PSMD5: variants seen among roughly 807,000 people sequenced by gnomAD.
PSMD5 encodes the protein 26S proteasome non-ATPase regulatory subunit 5.
In PSMD5, 40 loss-of-function variants were observed where a neutral mutation model predicts 52.1. The ratio of observed to expected loss-of-function variants is 0.77; its 90% CI spans 0.60 to 1.00. The LOEUF is 1.00. Among genes scored for constraint, PSMD5 ranks in the 50% least tolerant of loss-of-function variants. PSMD5 has a pLI of 0.00. For synonymous variants in PSMD5, 211 were observed against 226.6 expected (o/e 0.93, Z 0.62); for missense variants, 575 against 605.2 (o/e 0.95, Z 0.52).
rs548240047 is a variant in PSMD5, at chr9:120,833,803, C to T, written c.174-347G>A. Among the ~76,000 whole-genome samples the T allele has an allele frequency of 7.3e-5, 11 of 150,410 alleles. No individual in the cohort carries two copies. The East Asian group carries it at 1.6e-3, about 21-fold the overall frequency. ...AAGCAATTCTCCTGCCTCAGCCTCC[C>T]GAGTAGCTGGGATTACAGGGGCCTG... On this transcript the variant is annotated intron_variant, in intron 1 of 9. Coordinates refer to ENST00000210313, the MANE Select transcript of PSMD5 (RefSeq NM_005047.4).
chr9:120,838,007 G>C (rs1430116490), intron 1 of PSMD5, among the ~76,000 whole-genome samples: 3 of 152,108 alleles, frequency 2.0e-5, no homozygotes, highest in Non-Finnish European at 4.4e-5. Flanking sequence ...CCAAACAAAA[G>C]AATACATAAT....
intron 1 of PSMD5, chr9:120,841,776 C>T (rs2045240258): frequency 1.3e-5 from 2 of 152,108 alleles, no homozygotes; most frequent in South Asian, 2.1e-4. Flanking sequence ...ATGTTATATT[C>T]TTGCATATAA....
chr9:120,833,586 C>T, intron 1 of PSMD5, 130 bp from the exon 2 acceptor site: 1 of 909,394 alleles, frequency 1.1e-6, no homozygotes, highest in Non-Finnish European at 1.6e-6. Context: ...AGCTTTCACT[C>T]ACCTACTAAA....
chr9:120,833,639 A>G (rs1457442932), intron 1 of PSMD5, among the ~76,000 whole-genome samples, 183 bp from the exon 2 acceptor site: 3 of 151,832 alleles, frequency 2.0e-5, no homozygotes, highest in East Asian at 1.9e-4. Context: ...GTGCTGGGGC[A>G]ACAGAGAAGA....
At chr9:120,835,550 C>A (rs2045191880) in intron 1 of PSMD5, among the ~76,000 whole-genome samples, 1 of 152,036 alleles carries the variant, frequency 6.6e-6, no homozygotes, top group East Asian at 1.9e-4. Flanking sequence ...CATGGTGAAA[C>A]CCCATCTCAA....
At position 120,816,592 on chromosome 9, in the gene PSMD5, C is replaced by T. The variant is rs1333752504; in HGVS notation, c.*1314G>A. ...TCTGGGGACTAGATAATTCCAGTCA[C>T]TTTAAAATAATTTTGTTACAAAGCA... On this transcript the variant is annotated 3_prime_UTR_variant, in exon 10 of 10. Transcript: ENST00000210313. The T allele has an allele frequency of 1.3e-5, 2 of 152,154 alleles. No homozygotes were observed. Among genetic ancestry groups the T allele is most frequent in the African/African-American group, 4.8e-5 (2 of 41,420 alleles). 9.4% of individuals were successfully genotyped at this position (152,154 alleles called of 1,614,324 possible). A position where few individuals can be genotyped will look rare whatever the true frequency, so the allele number is the denominator to read the frequency against.
intron 5 of PSMD5, among the ~76,000 whole-genome samples, chr9:120,828,570 G>C (rs938811173): frequency 6.7e-6 from 1 of 150,338 alleles, no homozygotes; most frequent in African/African-American, 2.5e-5. Context: ...TGGGAATATA[G>C]GCACATGCCA....
rs759749488 is a variant in PSMD5, at chr9:120,829,142, T to G, written c.628A>C (p.Thr210Pro). The change falls in exon 5 of 10, where the codon ACC (threonine) becomes CCC (proline). Residue 210 changes from threonine (T) to proline (P), a missense_variant. Physicochemically the swap from Thr to Pro is conservative, Grantham distance 38. Coordinates refer to ENST00000210313, the MANE Select transcript of PSMD5 (RefSeq NM_005047.4). ...CCAGTCAGCTCTCTCAGGAGCTGGGTTACCAATCCACTTGTGGTACAGTAG... is the reference window on the plus strand; with the variant it reads ...CCAGTCAGCTCTCTCAGGAGCTGGGGTACCAATCCACTTGTGGTACAGTAG... ...LNYCTTSGLV[T>P]QLLRELTGED... The G allele has an allele frequency of 6.2e-7, 1 of 1,608,352 alleles. No homozygotes were observed. Among genetic ancestry groups the G allele is most frequent in the Admixed American group, 1.7e-5 (1 of 59,392 alleles).
chr9:120,840,279 A>T, intron 1 of PSMD5, among the ~76,000 whole-genome samples: 1 of 149,948 alleles, frequency 6.7e-6, no homozygotes, highest in East Asian at 2.0e-4. Context: ...ACGCACGCCC[A>T]GTTAATTTTT....
At chr9:120,831,995 G>A (rs1241021875) in intron 2 of PSMD5, 50 bp from the exon 3 acceptor site, 1 of 1,586,832 alleles carries the variant, frequency 6.3e-7, no homozygotes, top group Non-Finnish European at 8.6e-7. Context: ...GCAACATACG[G>A]TAAACACACG....
intron 2 of PSMD5, 96 bp from the exon 3 acceptor site, chr9:120,832,041 A>C: frequency 6.6e-7 from 1 of 1,505,910 alleles, no homozygotes; most frequent in Non-Finnish European, 8.8e-7. Flanking sequence ...TTATTTTAGG[A>C]GTTAGTGATC....
chr9:120,826,706 A>C, intron 6 of PSMD5, 59 bp downstream of exon 6: 2 of 1,551,884 alleles, frequency 1.3e-6, no homozygotes, highest in Non-Finnish European at 1.8e-6. Context: ...CCCTGATGTC[A>C]GAGATAACTC....
intron 7 of PSMD5, among the ~76,000 whole-genome samples, chr9:120,823,925 A>G (rs1480241742): frequency 1.3e-5 from 2 of 152,022 alleles, no homozygotes; most frequent in Non-Finnish European, 2.9e-5. Flanking sequence ...TGCCATTTTT[A>G]TAAATGAAGA....
intron 1 of PSMD5, among the ~76,000 whole-genome samples, chr9:120,835,686 G>A (rs968908678): frequency 2.6e-5 from 4 of 151,510 alleles, no homozygotes; most frequent in Non-Finnish European, 5.9e-5. Context: ...TCGAGATAGC[G>A]CCATCGCACT....
At chr9:120,828,585 A>G (rs146722927) in intron 5 of PSMD5, among the ~76,000 whole-genome samples, 1,545 of 150,586 alleles carry the variant, frequency 0.01, 34 homozygotes, top group African/African-American at 0.036. Flanking sequence ...ATGCCACCAT[A>G]CCCAGCTAAT....
chr9:120,821,088 T>G, intron 8 of PSMD5, 109 bp from the exon 9 acceptor site: 1 of 1,255,188 alleles, frequency 8.0e-7, no homozygotes, highest in South Asian at 1.6e-5. Flanking sequence ...ATTAATTTGT[T>G]GTGTGAAACT....
chr9:120,825,680 TTGTAAATGGGAA>T lies in PSMD5; in HGVS notation c.815-1007_815-996del, dbSNP rs1384800125. On this transcript the variant is annotated intron_variant, in intron 6 of 9. Coordinates refer to ENST00000210313, the MANE Select transcript of PSMD5 (RefSeq NM_005047.4). ...AATATTTAATTTTTTTTGAATGCTA[TTGTAAATGGGAA>T]TGTATCTTTGATTACTTTTTCAGAG... 3.9e-5 allele frequency among the ~76,000 whole-genome samples: 6 copies of T among 152,304 alleles called. No homozygotes were observed. In the East Asian group the frequency reaches 1.2e-3, roughly 29 times the overall value.
chr9:120,822,470 C>CT, intron 7 of PSMD5, among the ~76,000 whole-genome samples: 1 of 152,326 alleles, frequency 6.6e-6, no homozygotes, highest in East Asian at 1.9e-4. Context: ...GGTAAAAGCA[C>CT]TTAGAAAACG....
At chr9:120,840,596 C>T (rs906752146) in intron 1 of PSMD5, among the ~76,000 whole-genome samples, 1 of 150,398 alleles carries the variant, frequency 6.6e-6, no homozygotes, top group Non-Finnish European at 1.5e-5. Flanking sequence ...CAGGTGTGCG[C>T]TACCAAGCCC....
Sources: gnomAD v4.1 joint callset for allele counts (sites outside exome capture counted in the v4.1 genomes callset) on GRCh38, gnomAD v4.1.1 for gene constraint, MANE v1.5 for transcripts, NCBI Gene and HGNC (gene_info 2026-07-23, HGNC 2026-07-21) for gene names.